Variants in TNRC6C observed in about 807,000 individuals in gnomAD.
TNRC6C encodes the protein trinucleotide repeat containing adaptor 6C, also known as trinucleotide repeat-containing gene 6C protein.
Under a neutral mutation model 153.7 loss-of-function variants are expected in TNRC6C, and 20 were observed. The observed-to-expected ratio is 0.13, with a 90% CI of 0.09 to 0.19. TNRC6C has a LOEUF of 0.19. TNRC6C is among the 10% of genes least tolerant of loss of function. TNRC6C has a pLI of 1.00. For missense variants in TNRC6C, 1,987 were observed against 2,172.0 expected (o/e 0.91, Z 1.69); for synonymous variants, 811 against 841.4 (o/e 0.96, Z 0.63).
intron 3 of TNRC6C, among the ~76,000 whole-genome samples, chr17:78,053,406 G>A: frequency 6.6e-6 from 1 of 152,128 alleles, no homozygotes; most frequent in East Asian, 1.9e-4. Context: ...AAGGCGGGCA[G>A]ATCATCTGAG....
At chr17:78,026,637 G>A (rs2143640889) in intron 1 of TNRC6C, among the ~76,000 whole-genome samples, 1 of 152,286 alleles carries the variant, frequency 6.6e-6, no homozygotes, top group Admixed American at 6.5e-5. Context: ...TGGGGAACTG[G>A]GAGTCTTACT....
Position 78,079,669 on chromosome 17 carries a change from T to G in TNRC6C, c.3357+128T>G. The G allele has an allele frequency of 8.0e-7, 1 of 1,242,948 alleles. No individual in the cohort carries two copies. The highest frequency in any genetic ancestry group is 2.4e-5 in the Admixed American group (1 of 42,404). The allele number at this position is 1,242,948 out of a possible 1,614,324, so 77.0% of individuals were successfully genotyped here. On this transcript the variant is annotated intron_variant, in intron 10 of 19. Coordinates refer to ENST00000301624, the Ensembl canonical transcript of TNRC6C. The surrounding 1 kb of genome is among the most constrained non-coding windows in gnomAD (Gnocchi z 4.3). ...GTTAATCCATGTTTAAGAGAAGGCCTTCTGGTTTTTAACCTATAAATTAAT... is the reference window on the plus strand; with the variant it reads ...GTTAATCCATGTTTAAGAGAAGGCCGTCTGGTTTTTAACCTATAAATTAAT...
chr17:78,062,544 T>C (rs1299671679), intron 3 of TNRC6C, among the ~76,000 whole-genome samples: 1 of 152,250 alleles, frequency 6.6e-6, no homozygotes, highest in East Asian at 1.9e-4. Context: ...AATATTTATA[T>C]TTCTGTCTGA....
exon 13 of TNRC6C, chr17:78,087,073 C>T (rs1242581632): frequency 3.7e-6 from 6 of 1,613,614 alleles, no homozygotes; most frequent in Non-Finnish European, 4.2e-6. Context: ...TCACCCAACA[C>T]CTTTGCTCCT....
upstream of TNRC6C, among the ~76,000 whole-genome samples, chr17:78,000,630 C>CCCCCCCCCCCCCCCCCCCCA (rs1555628277): frequency 3.2e-5 from 2 of 62,310 alleles, no homozygotes; most frequent in Admixed American, 1.7e-4. Context: ...CCCCCCCCCC[C>CCCCCCCCCCCCCCCCCCCCA]CACACACACA....
chr17:77,987,263 A>G (rs2071183185), intron 1 of TNRC6C, among the ~76,000 whole-genome samples: 1 of 152,244 alleles, frequency 6.6e-6, no homozygotes. Flanking sequence ...ATGTTCATTA[A>G]TAGTCAAAGA....
At chr17:78,002,551 A>G (rs1191289249), upstream of TNRC6C, among the ~76,000 whole-genome samples, 1 of 152,200 alleles carries the variant, frequency 6.6e-6, no homozygotes, top group African/African-American at 2.4e-5. Context: ...CTTTGAAAGT[A>G]TATGTATTCT....
intron 1 of TNRC6C, among the ~76,000 whole-genome samples, chr17:77,961,005 G>A (rs2070857409): frequency 6.6e-6 from 1 of 152,028 alleles, no homozygotes; most frequent in South Asian, 2.1e-4. Context: ...GGCATAGTCA[G>A]GCCGTGAGAA....
At chr17:78,039,227 T>C (rs922997761) in intron 2 of TNRC6C, among the ~76,000 whole-genome samples, 6 of 152,116 alleles carry the variant, frequency 3.9e-5, no homozygotes, top group South Asian at 4.1e-4. Flanking sequence ...TATCCTGTGA[T>C]GATAAAGAGC....
intron 3 of TNRC6C, among the ~76,000 whole-genome samples, chr17:78,057,961 C>G (rs753935701): frequency 6.6e-6 from 1 of 152,264 alleles, no homozygotes. Context: ...AGTATAGCTT[C>G]CTAAACTGGA....
At chr17:77,977,291 ATTGAC>A (rs2071015025) in intron 1 of TNRC6C, among the ~76,000 whole-genome samples, 1 of 152,168 alleles carries the variant, frequency 6.6e-6, no homozygotes, top group East Asian at 1.9e-4. Flanking sequence ...AGATTTCTGT[ATTGAC>A]TTCTGCTGGT....
chr17:78,024,665 T>C (rs1395132655), intron 1 of TNRC6C, among the ~76,000 whole-genome samples: 15 of 148,462 alleles, frequency 1.0e-4, no homozygotes, highest in Admixed American at 2.0e-4. Flanking sequence ...GCGCCTGGCC[T>C]ATTTAGAGCA....
At chr17:78,098,483 CCCT>C (rs1351660756) in exon 17 of TNRC6C, 1 of 1,613,998 alleles carries the variant, frequency 6.2e-7, no homozygotes, top group East Asian at 2.2e-5. Flanking sequence ...CAATCCCAAG[CCCT>C]CCTCCACCTG....
chr17:78,047,934 A>C (rs944707269), intron 2 of TNRC6C, among the ~76,000 whole-genome samples: 13 of 152,168 alleles, frequency 8.5e-5, no homozygotes, highest in Admixed American at 5.9e-4. Context: ...AGGAAATAAA[A>C]TGTAGATCCA....
In TNRC6C at chr17:77,984,828, G is replaced by GCACACA. The variant is rs56781955; in HGVS notation, c.-37-19328_-37-19323dup. Among the ~76,000 whole-genome samples, 373 of 149,650 alleles carry GCACACA rather than the reference G, an allele frequency of 2.5e-3. 2 individuals carry two copies. The highest frequency in any genetic ancestry group is 8.8e-3 in the African/African-American group (360 of 40,922). On this transcript the variant is annotated intron_variant, in intron 1 of 22. Transcript: ENST00000636222. ...CCTCTGAGTTCTTAGCCTCTTATACGCACACACACACACACACACTCTTTT... is the reference window on the plus strand; with the variant it reads ...CCTCTGAGTTCTTAGCCTCTTATACGCACACACACACACACACACACACACTCTTTT...
At chr17:77,967,642 A>G (rs995059453) in intron 1 of TNRC6C, among the ~76,000 whole-genome samples, 1 of 152,170 alleles carries the variant, frequency 6.6e-6, no homozygotes, top group Non-Finnish European at 1.5e-5. Context: ...GGGCACTGCC[A>G]ATAAGTGCCA....
upstream of TNRC6C, among the ~76,000 whole-genome samples, chr17:77,958,806 C>G (rs1266746841): frequency 6.8e-6 from 1 of 147,380 alleles, no homozygotes; most frequent in Non-Finnish European, 1.5e-5. Flanking sequence ...CAGTCTTGAG[C>G]GCCGCCCGGG....
intron 3 of TNRC6C, among the ~76,000 whole-genome samples, chr17:78,059,886 C>T (rs2072732785): frequency 6.6e-6 from 1 of 151,770 alleles, no homozygotes; most frequent in African/African-American, 2.4e-5. Context: ...ATAGTGTGCC[C>T]CCCGCCACCG....
chr17:78,026,208 T>C (rs1418597736), intron 1 of TNRC6C, among the ~76,000 whole-genome samples: 1 of 152,202 alleles, frequency 6.6e-6, no homozygotes, highest in East Asian at 1.9e-4. Context: ...CTCACTGTTG[T>C]CAAACACTAT....
Sources: allele counts gnomAD v4.1 joint callset (sites outside exome capture counted in the v4.1 genomes callset), GRCh38; gene constraint gnomAD v4.1.1; non-coding constraint Gnocchi (gnomAD v3.1); transcripts MANE v1.5; gene names NCBI Gene and HGNC (gene_info 2026-07-23, HGNC 2026-07-21).